TAF6L: variants seen among roughly 807,000 people sequenced by gnomAD.
TAF6L encodes the protein TATA-box binding protein associated factor 6 like, also known as TAF6-like RNA polymerase II p300/CBP-associated factor-associated factor 65 kDa subunit 6L.
TAF6L carries 34 observed loss-of-function variants against 57.3 expected under a neutral mutation model. That is an observed-to-expected ratio of 0.59 (90% CI 0.45 to 0.79). TAF6L has a LOEUF of 0.79. Ranked by LOEUF, TAF6L falls within the 30% of genes least tolerant of loss-of-function variation. TAF6L has a pLI of 0.00. For missense variants in TAF6L, 782 were observed against 853.2 expected (o/e 0.92, Z 1.04); for synonymous variants, 417 against 376.3 (o/e 1.11, Z -1.25).
intron 6 of TAF6L, among the ~76,000 whole-genome samples, chr11:62,780,974 G>T (rs970087706): frequency 6.9e-5 from 10 of 144,382 alleles, no homozygotes; most frequent in Non-Finnish European, 1.0e-4. Context: ...GGTGGCTAAC[G>T]CCTGTAATCT....
intron 1 of TAF6L, among the ~76,000 whole-genome samples, chr11:62,773,593 A>G (rs1308923584): frequency 6.6e-6 from 1 of 151,858 alleles, no homozygotes; most frequent in Non-Finnish European, 1.5e-5. Context: ...GATTACAGGC[A>G]TGTGCCACCA....
At chr11:62,779,435 T>C (rs1374666474) in intron 6 of TAF6L, among the ~76,000 whole-genome samples, 1 of 152,024 alleles carries the variant, frequency 6.6e-6, no homozygotes, top group Non-Finnish European at 1.5e-5. Context: ...GACCTTGTGA[T>C]CCACCTGCCT....
rs1439886142 is a variant in TAF6L, at chr11:62,786,550, C to G, written c.1123C>G (p.Gln375Glu). 1.3e-6 allele frequency: 2 copies of G among 1,553,968 alleles called. No individual in the cohort carries two copies. Among genetic ancestry groups the G allele is most frequent in the Non-Finnish European group, 1.7e-6 (2 of 1,148,772 alleles). The change falls in exon 11 of 11, where the codon CAG (glutamine) becomes GAG (glutamate). Residue 375 changes from glutamine (Q) to glutamate (E), a missense_variant. Physicochemically the swap from Gln to Glu is conservative, Grantham distance 29. Coordinates refer to ENST00000294168, the MANE Select transcript of TAF6L (RefSeq NM_006473.4). ...AVERLLKMKA[Q>E]AAEPNRGGPG... Reference sequence around the variant, plus strand: ...AGAGCGACTGCTGAAGATGAAGGCCCAGGCAGCAGAGCCCAACAGGGGTGG... The same window carrying G: ...AGAGCGACTGCTGAAGATGAAGGCCGAGGCAGCAGAGCCCAACAGGGGTGG...
chr11:62,780,308 C>G (rs1387786627), intron 6 of TAF6L, among the ~76,000 whole-genome samples: 2 of 151,040 alleles, frequency 1.3e-5, no homozygotes, highest in Non-Finnish European at 2.9e-5. Context: ...GTCAGGAGTT[C>G]AAGACCAGCC....
At chr11:62,772,660 T>C (rs974878837) in intron 1 of TAF6L, among the ~76,000 whole-genome samples, 1 of 151,066 alleles carries the variant, frequency 6.6e-6, no homozygotes, top group South Asian at 2.1e-4. Flanking sequence ...CGAAACTCCA[T>C]CCCTACTAAA....
intron 4 of TAF6L, 39 bp downstream of exon 4, chr11:62,778,167 TG>T (rs2084201194): frequency 3.1e-6 from 5 of 1,613,692 alleles, no homozygotes; most frequent in Non-Finnish European, 4.2e-6. Context: ...GGATGGGAGT[TG>T]GGCCGTGAAG....
intron 6 of TAF6L, among the ~76,000 whole-genome samples, chr11:62,781,164 AG>A (rs1170605588): frequency 1.4e-4 from 21 of 150,106 alleles, no homozygotes; most frequent in Admixed American, 1.1e-3. Context: ...TGAACCCAGG[AG>A]GCAGAGGTTG....
rs190340818 is a variant in TAF6L at position 62,779,486 on chromosome 11, T to C, written c.531+523T>C. ...CTGGGATTACAAGTGTGAGCCACCG[T>C]GCCCAGCCTTATATTTTTAATAGAG... On this transcript the variant is annotated intron_variant, in intron 6 of 10. Transcript: ENST00000294168. 5.2e-3 allele frequency among the ~76,000 whole-genome samples: 793 copies of C among 152,076 alleles called. 6 individuals carry two copies. The highest frequency in any genetic ancestry group is 0.019 in the African/African-American group (768 of 41,488).
intron 9 of TAF6L, among the ~76,000 whole-genome samples, chr11:62,784,307 T>A (rs2084253719): frequency 9.2e-6 from 1 of 108,606 alleles, no homozygotes; most frequent in African/African-American, 3.8e-5. Context: ...ATATTCTTAA[T>A]TTTTTTTTTT....
chr11:62,783,734 T>C (rs1464362154), intron 9 of TAF6L, among the ~76,000 whole-genome samples: 1 of 151,636 alleles, frequency 6.6e-6, no homozygotes, highest in Admixed American at 6.6e-5. Flanking sequence ...AGTTTCATCA[T>C]GTTAGCCAGG....
chr11:62,782,840 C>T lies in TAF6L; in HGVS notation c.960+15C>T. The T allele has an allele frequency of 6.2e-7, 1 of 1,613,330 alleles. No homozygotes were observed. Among genetic ancestry groups the T allele is most frequent in the Non-Finnish European group, 8.5e-7 (1 of 1,179,488 alleles). ...TTGGCTGGAAGGTGAGCACCCTGGC[C>T]TTTCTCACACAGCCGTAAGAACTCC... On this transcript the variant is annotated intron_variant, in intron 9 of 10. Coordinates refer to ENST00000294168, the MANE Select transcript of TAF6L (RefSeq NM_006473.4).
chr11:62,779,682 T>G (rs1241553317), intron 6 of TAF6L, among the ~76,000 whole-genome samples: 1 of 151,604 alleles, frequency 6.6e-6, no homozygotes, highest in Non-Finnish European at 1.5e-5. Flanking sequence ...AACATTTTTT[T>G]TAAGATGGGG....
chr11:62,785,490 C>CCAATCACAGGATTTTAAAT (rs1459733338), intron 9 of TAF6L, among the ~76,000 whole-genome samples: 2 of 151,446 alleles, frequency 1.3e-5, no homozygotes, highest in Admixed American at 6.6e-5. Flanking sequence ...CAGCGCCCGG[C>CCAATCACAGGATTTTAAAT]TGGTATTTTC....
At chr11:62,784,343 C>T (rs1306486396) in intron 9 of TAF6L, among the ~76,000 whole-genome samples, 1 of 140,924 alleles carries the variant, frequency 7.1e-6, no homozygotes, top group Non-Finnish European at 1.5e-5. Flanking sequence ...CTCGCTCTGA[C>T]ACCCAGGCTG....
At position 62,787,295 on chromosome 11, in the gene TAF6L, G is replaced by A. The variant is rs375132340; in HGVS notation, c.1868G>A (p.Ter623=). 5.1e-5 allele frequency: 79 copies of A among 1,538,844 alleles called. No individual in the cohort carries two copies. Among genetic ancestry groups the A allele is most frequent in the Non-Finnish European group, 6.7e-5 (77 of 1,149,946 alleles). Residue 623 remains the stop codon, a stop_retained_variant, in exon 11 of 11, where the codon TGA becomes TAA. Coordinates refer to ENST00000294168, the MANE Select transcript of TAF6L (RefSeq NM_006473.4). ...GACTACTCGCTGTACTTGCCGCTCT[G>A]AGTCAGTGGCCCCTTCGTTCCTTGT... ...LSDYSLYLPL[*]
At chr11:62,781,653 A>G (rs2084230550) in intron 6 of TAF6L, 1 of 345,026 alleles carries the variant, frequency 2.9e-6, no homozygotes, top group South Asian at 2.3e-5. Context: ...ACAGAGCGAG[A>G]CTCGGTCTCA....
At chr11:62,773,448 ATT>A (rs112592058) in intron 1 of TAF6L, among the ~76,000 whole-genome samples, 6 of 135,766 alleles carry the variant, frequency 4.4e-5, no homozygotes, top group African/African-American at 5.4e-5. Context: ...CCGGCCTACA[ATT>A]TTTTTTTTTT....
intron 8 of TAF6L, 112 bp from the exon 9 acceptor site, chr11:62,782,581 C>T: frequency 6.8e-7 from 1 of 1,468,942 alleles, no homozygotes; most frequent in South Asian, 1.3e-5. Flanking sequence ...CTTCACTTAA[C>T]CCCAGCACTC....
chr11:62,781,448 C>G (rs186769490), intron 6 of TAF6L, among the ~76,000 whole-genome samples: 2,337 of 151,948 alleles, frequency 0.015, 51 homozygotes, highest in African/African-American at 0.053. Context: ...CTGAGGTGGG[C>G]AGATCACGAG....
Sources: gnomAD v4.1 joint callset for allele counts (sites outside exome capture counted in the v4.1 genomes callset) on GRCh38, gnomAD v4.1.1 for gene constraint, MANE v1.5 for transcripts, NCBI Gene and HGNC (gene_info 2026-07-23, HGNC 2026-07-21) for gene names.